The following TRMT11 variants were observed in gnomAD, a reference collection of about 807,000 sequenced individuals.
TRMT11 encodes tRNA (guanine(10)-N(2))-methyltransferase TRMT11.
TRMT11 carries 53 observed loss-of-function variants against 62.8 expected under a neutral mutation model. The ratio of observed to expected loss-of-function variants is 0.84; its 90% CI spans 0.68 to 1.06. The LOEUF is 1.06. Among genes scored for constraint, TRMT11 ranks in the 50% least tolerant of loss-of-function variants. The pLI is 0.00. For synonymous variants in TRMT11, 188 were observed against 190.3 expected, an observed-to-expected ratio of 0.99 and a Z score of 0.10; for missense variants, 556 against 553.4, an observed-to-expected ratio of 1.00 and a Z score of -0.05.
intron 7 of TRMT11, among the ~76,000 whole-genome samples, chr6:126,007,855 C>T (rs1793595447): frequency 2.0e-5 from 3 of 151,916 alleles, no homozygotes; most frequent in Non-Finnish European, 4.4e-5. Flanking sequence ...TGATTGGTTA[C>T]AGGAGTAACT....
At chr6:126,243,268 T>G in the TRMT11 span, among the ~76,000 whole-genome samples, 2 of 152,128 alleles carry the variant, frequency 1.3e-5, no homozygotes, top group African/African-American at 4.8e-5. Flanking sequence ...TGGCGATCAT[T>G]AAAAAGTCAG....
chr6:126,026,837 C>T (rs1304023771), intron 12 of TRMT11, among the ~76,000 whole-genome samples: 8 of 130,598 alleles, frequency 6.1e-5, no homozygotes, highest in East Asian at 2.2e-4. Flanking sequence ...GAGTCTTGCT[C>T]TGTTGCCCAG....
chr6:126,111,445 A>C (rs1777530260), intron 17 of TRMT11, among the ~76,000 whole-genome samples: 1 of 152,092 alleles, frequency 6.6e-6, no homozygotes, highest in Non-Finnish European at 1.5e-5. Context: ...TTAATATTAA[A>C]AGTCTCTTAA....
At chr6:126,080,239 C>T (rs534781898) in intron 17 of TRMT11, among the ~76,000 whole-genome samples, 1 of 152,090 alleles carries the variant, frequency 6.6e-6, no homozygotes, top group Admixed American at 6.5e-5. Flanking sequence ...ATAGCTAGAA[C>T]TACAGGCATT....
chr6:126,059,960 C>G (rs1336280154), intron 17 of TRMT11, among the ~76,000 whole-genome samples: 1 of 152,138 alleles, frequency 6.6e-6, no homozygotes, highest in Non-Finnish European at 1.5e-5. Flanking sequence ...TGAGGAAATA[C>G]TCAGAAAATT....
At chr6:126,249,665 C>G in the TRMT11 span, among the ~76,000 whole-genome samples, 41 of 152,102 alleles carry the variant, frequency 2.7e-4, no homozygotes, top group African/African-American at 9.6e-4. Flanking sequence ...TAAAAATATG[C>G]CTCTTAGAGC....
chr6:126,071,793 T>C (rs1026208098), intron 17 of TRMT11, among the ~76,000 whole-genome samples: 3 of 152,078 alleles, frequency 2.0e-5, no homozygotes, highest in Non-Finnish European at 4.4e-5. Context: ...AAAATAAATC[T>C]CAGCTAAAAT....
chr6:126,235,423 A>G, the TRMT11 span, among the ~76,000 whole-genome samples: 55 of 152,366 alleles, frequency 3.6e-4, no homozygotes, highest in South Asian at 0.011. Flanking sequence ...CTGCAGCACT[A>G]TTCACAATAA....
chr6:125,999,780 T>TA (rs1792171870), intron 7 of TRMT11, among the ~76,000 whole-genome samples, 167 bp downstream of exon 7: 1 of 152,190 alleles, frequency 6.6e-6, no homozygotes, highest in African/African-American at 2.4e-5. Context: ...ATTTAACACT[T>TA]ATGCCACTTC....
downstream of TRMT11, among the ~76,000 whole-genome samples, chr6:126,040,813 T>G (rs1775854574): frequency 6.6e-6 from 1 of 152,160 alleles, no homozygotes; most frequent in African/African-American, 2.4e-5. Context: ...CTTGGTGGTG[T>G]TCATCAGAGG....
chr6:126,133,384 A>C (rs553510772), intron 21 of TRMT11, among the ~76,000 whole-genome samples: 1 of 152,166 alleles, frequency 6.6e-6, no homozygotes, highest in South Asian at 2.1e-4. Context: ...AGTGAGCTCT[A>C]AATTTCTTTT....
intron 21 of TRMT11, among the ~76,000 whole-genome samples, chr6:126,137,479 G>A (rs1777864677): frequency 6.6e-6 from 1 of 151,616 alleles, no homozygotes; most frequent in African/African-American, 2.4e-5. Context: ...AAAAAATAAC[G>A]AATGCTGGCA....
intron 1 of TRMT11, among the ~76,000 whole-genome samples, chr6:126,182,469 A>C (rs1462574393): frequency 6.6e-6 from 1 of 151,944 alleles, no homozygotes; most frequent in Non-Finnish European, 1.5e-5. Context: ...ATCTGGGCTA[A>C]TGGGGTTTGA....
intron 7 of TRMT11, among the ~76,000 whole-genome samples, chr6:126,002,545 T>G (rs1367590732): frequency 6.6e-6 from 1 of 152,204 alleles, no homozygotes; most frequent in Non-Finnish European, 1.5e-5. Context: ...GGCAGTAAAG[T>G]CAAATACTGT....
intron 7 of TRMT11, among the ~76,000 whole-genome samples, chr6:126,001,832 A>T (rs766158915): frequency 6.6e-6 from 1 of 151,954 alleles, no homozygotes; most frequent in East Asian, 1.9e-4. Context: ...TCATTATTCT[A>T]CTGTAAGCAA....
chr6:126,147,145 G>C (rs1461579819), intron 21 of TRMT11, among the ~76,000 whole-genome samples: 2 of 152,116 alleles, frequency 1.3e-5, no homozygotes, highest in East Asian at 3.9e-4. Flanking sequence ...GACACAAAAG[G>C]GAATTTAAGG....
intron 17 of TRMT11, among the ~76,000 whole-genome samples, chr6:126,069,228 T>C (rs1776777000): frequency 6.6e-6 from 1 of 152,220 alleles, no homozygotes; most frequent in Admixed American, 6.5e-5. Flanking sequence ...GGCCACATGC[T>C]ACAACAGCAG....
chr6:126,152,072 A>G (rs1778065479), intron 21 of TRMT11, among the ~76,000 whole-genome samples: 1 of 127,228 alleles, frequency 7.9e-6, no homozygotes, highest in African/African-American at 3.1e-5. Flanking sequence ...TTTCTGTTAC[A>G]GGCAGCATGT....
At chr6:126,139,812 T>C (rs897264710) in intron 21 of TRMT11, among the ~76,000 whole-genome samples, 3 of 152,160 alleles carry the variant, frequency 2.0e-5, no homozygotes, top group Non-Finnish European at 4.4e-5. Flanking sequence ...ATGTGAACTC[T>C]AACAATTCAC....
Sources: allele counts gnomAD v4.1 joint callset (sites outside exome capture counted in the v4.1 genomes callset), GRCh38; gene constraint gnomAD v4.1.1; transcripts MANE v1.5; gene names NCBI Gene and HGNC (gene_info 2026-07-23, HGNC 2026-07-21).